Variants in TNR observed in about 807,000 individuals in gnomAD.
TNR encodes tenascin R.
TNR carries 45 observed loss-of-function variants against 150.4 expected under a neutral mutation model. The observed-to-expected ratio is 0.30, with a 90% CI of 0.24 to 0.38. TNR has a LOEUF of 0.38. Ranked by LOEUF, TNR falls within the 10% of genes least tolerant of loss-of-function variation. The pLI, the probability that TNR is intolerant of heterozygous loss-of-function variation, is 1.00. For synonymous variants in TNR, 687 were observed against 678.4 expected (o/e 1.01, Z -0.20); for missense variants, 1,544 against 1,759.1 (o/e 0.88, Z 2.19).
chr1:175,474,617 T>G (rs1439302537), intron 2 of TNR, among the ~76,000 whole-genome samples: 2 of 152,196 alleles, frequency 1.3e-5, no homozygotes. Flanking sequence ...GAGAAGAAAG[T>G]GATCCAAGGG....
intron 1 of TNR, among the ~76,000 whole-genome samples, chr1:175,660,843 C>T (rs1235481930): frequency 6.6e-6 from 1 of 152,116 alleles, no homozygotes; most frequent in Admixed American, 6.5e-5. Context: ...TCTACTGACT[C>T]AGCAGAGGTT....
rs112240756 is a variant in TNR at position 175,592,064 on chromosome 1, A to G, written c.-164-63695T>C. ...GACTTGAGAGTTTTTTTACTGCAGC[A>G]TCATGTAGTGATCCTGACTAGTTCA... On this transcript the variant is annotated intron_variant, in intron 1 of 22. Transcript: ENST00000367674. Among the ~76,000 whole-genome samples the G allele has an allele frequency of 1.9e-3, 286 of 152,334 alleles. 2 individuals carry two copies. The highest frequency in any genetic ancestry group is 1.9e-3 in the Non-Finnish European group (126 of 68,032).
At chr1:175,488,223 G>A (rs1299895704) in intron 2 of TNR, among the ~76,000 whole-genome samples, 2 of 152,176 alleles carry the variant, frequency 1.3e-5, no homozygotes, top group East Asian at 3.8e-4. Context: ...TGCATCACTG[G>A]GAATGGTGCT....
intron 1 of TNR, among the ~76,000 whole-genome samples, chr1:175,720,660 C>A (rs917709281): frequency 1.3e-5 from 2 of 152,116 alleles, no homozygotes; most frequent in Non-Finnish European, 2.9e-5. Flanking sequence ...GCAATGGGAG[C>A]AGGAAGTAAT....
At chr1:175,348,545 A>T (rs939792674) in intron 18 of TNR, among the ~76,000 whole-genome samples, 2 of 152,218 alleles carry the variant, frequency 1.3e-5, no homozygotes, top group African/African-American at 4.8e-5. Flanking sequence ...ATAAAAGCAC[A>T]ATGTGGTATT....
intron 2 of TNR, among the ~76,000 whole-genome samples, chr1:175,466,367 C>G (rs992560748): frequency 6.6e-6 from 1 of 152,156 alleles, no homozygotes; most frequent in Non-Finnish European, 1.5e-5. Flanking sequence ...CCCCTTGTTC[C>G]CCAGTTCTAG....
intron 19 of TNR, among the ~76,000 whole-genome samples, chr1:175,337,261 T>G (rs1356393311): frequency 6.6e-6 from 1 of 152,228 alleles, no homozygotes; most frequent in African/African-American, 2.4e-5. Context: ...GACCCGCGAC[T>G]GCCTTTCCCC....
chr1:175,607,898 A>T (rs895468468), intron 1 of TNR, among the ~76,000 whole-genome samples: 4 of 152,200 alleles, frequency 2.6e-5, no homozygotes, highest in African/African-American at 9.7e-5. Context: ...TACTTAAAGG[A>T]ATTATGAAAG....
intron 2 of TNR, among the ~76,000 whole-genome samples, chr1:175,456,633 T>G (rs1440753586): frequency 5.5e-5 from 1 of 18,022 alleles, no homozygotes; most frequent in East Asian, 4.6e-4. Context: ...CATGAGAGAT[T>G]TTTTTTAAGT....
At chr1:175,656,689 T>C (rs1168831325) in intron 1 of TNR, 1 of 152,362 alleles carries the variant, frequency 6.6e-6, no homozygotes, top group Non-Finnish European at 1.5e-5. Context: ...CTGTTGGTCA[T>C]GTCAGCCCTA....
chr1:175,497,793 C>T (rs1321023213), intron 2 of TNR, among the ~76,000 whole-genome samples: 1 of 152,154 alleles, frequency 6.6e-6, no homozygotes, highest in Non-Finnish European at 1.5e-5. Context: ...GGCATGGTGG[C>T]TCACGCCTGT....
intron 2 of TNR, among the ~76,000 whole-genome samples, chr1:175,508,517 G>A (rs915874177): frequency 6.6e-5 from 10 of 152,186 alleles, no homozygotes; most frequent in Non-Finnish European, 4.4e-5. Context: ...TTTAAGACTG[G>A]GTTATAAAAA....
At chr1:175,563,970 A>C (rs1419699043) in intron 1 of TNR, among the ~76,000 whole-genome samples, 1 of 152,218 alleles carries the variant, frequency 6.6e-6, no homozygotes, top group Non-Finnish European at 1.5e-5. Flanking sequence ...GCTTTCCTCC[A>C]TCACTTCAGA....
chr1:175,717,449 A>G (rs1667185821), intron 1 of TNR, among the ~76,000 whole-genome samples: 1 of 152,216 alleles, frequency 6.6e-6, no homozygotes, highest in Admixed American at 6.5e-5. Flanking sequence ...AGAAGTTGAA[A>G]TCACTTTTAA....
chr1:175,524,152 G>A lies in TNR; in HGVS notation c.-64+4117C>T, dbSNP rs192120970. On this transcript the variant is annotated intron_variant, in intron 2 of 22. Coordinates refer to ENST00000367674, the MANE Select transcript of TNR (RefSeq NM_003285.3). ...AGCCTCACCATCTCACTATCACACC[G>A]TAGTTAGGCGTGAGGGAGGCATGCC... Among the ~76,000 whole-genome samples, 413 of 152,224 alleles carry A rather than the reference G, an allele frequency of 2.7e-3. 4 individuals carry two copies. Among genetic ancestry groups the A allele is most frequent in the African/African-American group, 9.6e-3 (398 of 41,530 alleles).
chr1:175,466,944 G>T (rs553683667), intron 2 of TNR, among the ~76,000 whole-genome samples: 2 of 152,260 alleles, frequency 1.3e-5, no homozygotes, highest in African/African-American at 2.4e-5. Flanking sequence ...GCTCTCTGGG[G>T]TCTGATTAAA....
chr1:175,742,822 T>A (rs1359923219), intron 1 of TNR, among the ~76,000 whole-genome samples: 1 of 152,142 alleles, frequency 6.6e-6, no homozygotes, highest in African/African-American at 2.4e-5. Context: ...ATGGATGGCT[T>A]GTCGGGAGAG....
At chr1:175,566,593 T>A (rs1389819914) in intron 1 of TNR, among the ~76,000 whole-genome samples, 1 of 152,254 alleles carries the variant, frequency 6.6e-6, no homozygotes, top group African/African-American at 2.4e-5. Context: ...TGGAAGGGGA[T>A]CTTCCTCTTC....
intron 1 of TNR, among the ~76,000 whole-genome samples, chr1:175,616,558 C>A (rs1392702965): frequency 6.6e-6 from 1 of 152,152 alleles, no homozygotes; most frequent in Non-Finnish European, 1.5e-5. Flanking sequence ...AAAATCTCTT[C>A]TCTGGAAATC....
Sources: gnomAD v4.1 joint callset for allele counts (sites outside exome capture counted in the v4.1 genomes callset) on GRCh38, gnomAD v4.1.1 for gene constraint, MANE v1.5 for transcripts, NCBI Gene and HGNC (gene_info 2026-07-23, HGNC 2026-07-21) for gene names.